Variants in PPP2R3B observed in about 807,000 individuals in gnomAD.
PPP2R3B encodes the protein protein phosphatase 2 regulatory subunit B''beta.
PPP2R3B carries 68 observed loss-of-function variants against 72.9 expected under a neutral mutation model. The observed-to-expected ratio is 0.93, with a 90% CI of 0.77 to 1.14. PPP2R3B has a LOEUF of 1.14. Ranked by LOEUF, PPP2R3B falls within the 50% of genes most tolerant of loss-of-function variation. The probability of loss-of-function intolerance (pLI) is 0.00; values close to 1 mark genes in which losing one functional copy is unlikely to be tolerated. For synonymous variants in PPP2R3B, 466 were observed against 375.8 expected, an observed-to-expected ratio of 1.24 and a Z score of -2.78; for missense variants, 1,018 against 842.0, an observed-to-expected ratio of 1.21 and a Z score of -2.59.
At chrX:360,372 A>G (rs2071515601) in intron 2 of PPP2R3B, among the ~76,000 whole-genome samples, 1 of 152,178 alleles carries the variant, frequency 6.6e-6, no homozygotes, top group South Asian at 2.1e-4. Context: ...CATGTCTACT[A>G]AAAATATAAA....
chrX:382,126 C>A (rs956629749), intron 1 of PPP2R3B, among the ~76,000 whole-genome samples: 1 of 152,078 alleles, frequency 6.6e-6, no homozygotes, highest in African/African-American at 2.4e-5. Context: ...CACACGCATC[C>A]TTCCTTCTGC....
intron 1 of PPP2R3B, among the ~76,000 whole-genome samples, chrX:371,468 T>A (rs1323206982): frequency 6.6e-6 from 1 of 151,886 alleles, no homozygotes; most frequent in Non-Finnish European, 1.5e-5. Flanking sequence ...GGGTTCACCA[T>A]CGGGGCAGGC....
At chrX:374,141 A>G (rs112568298) in intron 1 of PPP2R3B, 58,184 of 149,278 alleles carry the variant, frequency 0.39, 11,481 homozygotes, top group African/African-American at 0.43. Context: ...CCTGGGCGGA[A>G]CGCGCATCAA....
chrX:386,579 C>A lies in PPP2R3B; in HGVS notation c.113G>T (p.Arg38Leu), dbSNP rs2072258551. The A allele has an allele frequency of 6.9e-7, 1 of 1,448,740 alleles. No individual in the cohort carries two copies. The highest frequency in any genetic ancestry group is 9.1e-7 in the Non-Finnish European group (1 of 1,100,710). 89.7% of individuals were successfully genotyped at this position (1,448,740 alleles called of 1,614,324 possible). ...CTGGTCCCGCCCGGGCGCCTTGATC[C>A]GGCGCAGGCAGTCCTGCAGCATCCG... is the stretch of plus-strand genomic sequence containing the variant. ...TQRMLQDCLR[R>L]IKAPGRDQPT... The change falls in exon 1 of 13, where the codon CGG becomes CTG. Residue 38 changes from arginine (R) to leucine (L), a missense_variant. Transcript: ENST00000390665.
chrX:345,289 C>G, intron 7 of PPP2R3B: 3 of 717,162 alleles, frequency 4.2e-6, no homozygotes, highest in Non-Finnish European at 7.5e-6. Context: ...CCTGTAGACG[C>G]CCCCAGGCAG....
chrX:366,983 G>C (rs187025102), intron 1 of PPP2R3B, among the ~76,000 whole-genome samples: 2 of 151,580 alleles, frequency 1.3e-5, no homozygotes, highest in East Asian at 3.9e-4. Flanking sequence ...AGCTGAGGTC[G>C]CACCACTGTC....
chrX:345,031 G>C (rs1198916002), intron 7 of PPP2R3B: 1 of 379,052 alleles, frequency 2.6e-6, no homozygotes, highest in Non-Finnish European at 5.2e-6. Flanking sequence ...GGGGCCGGGA[G>C]GCAGTGGCTG....
chrX:367,044 G>C (rs1318494328), intron 1 of PPP2R3B, among the ~76,000 whole-genome samples: 1 of 143,748 alleles, frequency 7.0e-6, no homozygotes, highest in African/African-American at 2.5e-5. Flanking sequence ...AAAAAAGTGA[G>C]ATGAATACTT....
Position 359,959 on chromosome X carries a change from T to G in PPP2R3B, c.510+1446A>C, listed in dbSNP as rs2071508169. On this transcript the variant is annotated intron_variant, in intron 2 of 12. Coordinates refer to ENST00000390665, the MANE Select transcript of PPP2R3B (RefSeq NM_013239.5). ...TTTACATATTTATAAAACAAAACTT[T>G]TTAAAATACTTTAAAAACACAATCC... is the stretch of plus-strand genomic sequence containing the variant. 2.4e-4 allele frequency: 94 copies of G among 394,836 alleles called. 2 individuals carry two copies. The highest frequency in any genetic ancestry group is 1.7e-3 in the South Asian group (93 of 53,434). The allele number at this position is 394,836 out of a possible 1,614,324, so 24.5% of individuals were successfully genotyped here.
chrX:344,299 TGAGACCTCACCAACGGGAGGCGGGAGG>T (rs1174217173), intron 7 of PPP2R3B, among the ~76,000 whole-genome samples: 2 of 102,950 alleles, frequency 1.9e-5, no homozygotes, highest in Admixed American at 9.5e-5. Flanking sequence ...GAGGCCGGAG[TGAGACCTCACCAACGGGAGGCGGGAGG>T]GAGACCTCAC....
At chrX:353,990 C>T (rs1222337621) in intron 2 of PPP2R3B, among the ~76,000 whole-genome samples, 3 of 137,796 alleles carry the variant, frequency 2.2e-5, no homozygotes, top group Non-Finnish European at 4.6e-5. Flanking sequence ...AAGACCAGGG[C>T]TCATCCAAAG....
chrX:386,426 G>T lies in PPP2R3B; in HGVS notation c.266C>A (p.Ser89Tyr). ...AACGTGGGGCGCGTTCCTGGGGCTGGAGGCGGCGCCCAGGGGCAGCGCAGG... is the reference window on the plus strand; with the variant it reads ...AACGTGGGGCGCGTTCCTGGGGCTGTAGGCGGCGCCCAGGGGCAGCGCAGG... ...PGPALPLGAA[S>Y]SPRNAPHVRG... The change falls in exon 1 of 13, where the codon TCC (serine) becomes TAC (tyrosine). Residue 89 changes from serine to tyrosine, a missense_variant. Ser to Tyr is a moderately radical substitution (Grantham distance 144). Transcript: ENST00000390665. The T allele has an allele frequency of 7.6e-7, 1 of 1,319,302 alleles. No homozygotes were observed. The highest frequency in any genetic ancestry group is 9.7e-7 in the Non-Finnish European group (1 of 1,029,530). The allele number at this position is 1,319,302 out of a possible 1,614,324, so 81.7% of individuals were successfully genotyped here.
In PPP2R3B at chrX:338,167, G is replaced by A. The variant is rs186125037; in HGVS notation, c.1577+437C>T. The A allele has an allele frequency of 2.0e-3, 555 of 276,758 alleles. 5 individuals are homozygous for A. The highest frequency in any genetic ancestry group is 0.011 in the African/African-American group (520 of 46,586). 17.1% of individuals were successfully genotyped at this position (276,758 alleles called of 1,614,324 possible). A position where few individuals can be genotyped will look rare whatever the true frequency, so the allele number is the denominator to read the frequency against. ...TGCTGAAGACACGAAGAACCCTCAC[G>A]CTCCGTGAGAAAGCAACCAGCCCAG... On this transcript the variant is annotated intron_variant, in intron 12 of 12. Coordinates refer to ENST00000390665, the MANE Select transcript of PPP2R3B (RefSeq NM_013239.5).
chrX:353,201 C>T (rs1053393307), intron 2 of PPP2R3B, among the ~76,000 whole-genome samples: 7 of 152,048 alleles, frequency 4.6e-5, no homozygotes, highest in Non-Finnish European at 1.0e-4. Flanking sequence ...TGGTGAAACC[C>T]CATCTCTCCT....
intron 2 of PPP2R3B, among the ~76,000 whole-genome samples, chrX:352,498 C>T (rs901712119): frequency 3.3e-5 from 3 of 90,312 alleles, no homozygotes; most frequent in African/African-American, 4.5e-5. Flanking sequence ...TCAGCACATG[C>T]GTGTGGGACT....
At chrX:349,116 T>C (rs922906990) in intron 2 of PPP2R3B, among the ~76,000 whole-genome samples, 2 of 152,150 alleles carry the variant, frequency 1.3e-5, no homozygotes, top group African/African-American at 2.4e-5. Context: ...ATGGCCTGAA[T>C]GCCTGGGTCC....
chrX:352,397 A>G (rs1175039545), intron 2 of PPP2R3B, among the ~76,000 whole-genome samples: 1 of 152,222 alleles, frequency 6.6e-6, no homozygotes, highest in Non-Finnish European at 1.5e-5. Context: ...GACGGCCCCC[A>G]GGCCTCCTCC....
intron 6 of PPP2R3B, 112 bp from the exon 7 acceptor site, chrX:345,784 T>A: frequency 7.9e-6 from 1 of 125,788 alleles, no homozygotes; most frequent in Non-Finnish European, 1.5e-5. Flanking sequence ...GCTCCGTGGG[T>A]GGGGGGGACT....
Position 347,317 on chromosome X carries a change from C to A in PPP2R3B, c.634G>T (p.Asp212Tyr). 1.2e-6 allele frequency: 2 copies of A among 1,613,788 alleles called. No homozygotes were observed. The highest frequency in any genetic ancestry group is 1.7e-6 in the Non-Finnish European group (2 of 1,179,774). Reference sequence around the variant, plus strand: ...AGATGGACGAACTTGGCCGCGTCGTCGTGGCAGTTCTGGAGGATTCTGGAA... The same window carrying A: ...AGATGGACGAACTTGGCCGCGTCGTAGTGGCAGTTCTGGAGGATTCTGGAA... The part of the protein sequence containing the change: ...MWRKILQNCH[D>Y]DAAKFVHLLM... The change falls in exon 4 of 13, where the codon GAC becomes TAC. Residue 212 changes from aspartate to tyrosine, a missense_variant. By Grantham distance (160) the Asp-to-Tyr change is radical. Transcript: ENST00000390665.
Sources: gnomAD v4.1 joint callset for allele counts (sites outside exome capture counted in the v4.1 genomes callset) on GRCh38, gnomAD v4.1.1 for gene constraint, MANE v1.5 for transcripts, NCBI Gene and HGNC (gene_info 2026-07-23, HGNC 2026-07-21) for gene names.